The following DCDC2C variants were observed in gnomAD, a reference collection of about 807,000 sequenced individuals.
The protein encoded by DCDC2C is doublecortin domain containing 2C.
In DCDC2C, 44 loss-of-function variants were observed where a neutral mutation model predicts 45.0. The observed-to-expected ratio is 0.98, with a 90% CI of 0.77 to 1.26. DCDC2C has a LOEUF of 1.26. Among genes scored for constraint, DCDC2C ranks in the 50% most tolerant of loss-of-function variants. DCDC2C has a pLI of 0.00. For synonymous variants in DCDC2C, 187 were observed against 178.8 expected (o/e 1.05, Z -0.37); for missense variants, 447 against 468.9 (o/e 0.95, Z 0.43).
intron 3 of DCDC2C, among the ~76,000 whole-genome samples, chr2:3,735,841 CT>C (rs1277593228): frequency 8.6e-5 from 13 of 151,104 alleles, no homozygotes; most frequent in Non-Finnish European, 1.5e-4. Flanking sequence ...GATCTCAGAT[CT>C]TGGATCAGCT....
At chr2:3,728,042 C>A (rs184758824) in intron 3 of DCDC2C, among the ~76,000 whole-genome samples, 1 of 152,160 alleles carries the variant, frequency 6.6e-6, no homozygotes, top group East Asian at 1.9e-4. Context: ...GGAATTTTAG[C>A]GAGTTTCCAG....
chr2:3,838,516 A>G (rs930708825), intron 10 of DCDC2C, among the ~76,000 whole-genome samples: 12 of 151,308 alleles, frequency 7.9e-5, no homozygotes, highest in Non-Finnish European at 1.6e-4. Context: ...GGCTAAGAGT[A>G]GGAGGTGTGG....
chr2:3,734,540 G>GT lies in DCDC2C; in HGVS notation c.417-7379dup, dbSNP rs1172040636. On this transcript the variant is annotated intron_variant, in intron 3 of 10. Coordinates refer to ENST00000399143, the MANE Select transcript of DCDC2C (RefSeq NM_001287444.2). This position sits in a 1 kb window ranked among gnomAD's most constrained non-coding sequence, Gnocchi z 4.2. ...TGTGAGGGGGAAAGCAGTAGATTTC[G>GT]TAAGAGGGAAGTTTAGCCACAGAGA... is the stretch of plus-strand genomic sequence containing the variant. Among the ~76,000 whole-genome samples, 1 of 152,168 alleles carries GT rather than the reference G, an allele frequency of 6.6e-6. No homozygotes were observed. Among genetic ancestry groups the GT allele is most frequent in the Non-Finnish European group, 1.5e-5 (1 of 68,028 alleles).
chr2:3,839,791 T>C (rs1354068127), intron 10 of DCDC2C, among the ~76,000 whole-genome samples: 2 of 152,240 alleles, frequency 1.3e-5, no homozygotes, highest in African/African-American at 4.8e-5. Context: ...CTCGCCAAAA[T>C]GTCAGGGCTG....
chr2:3,711,434 C>G (rs1048643509), intron 2 of DCDC2C, among the ~76,000 whole-genome samples: 1 of 151,980 alleles, frequency 6.6e-6, no homozygotes, highest in African/African-American at 2.4e-5. Flanking sequence ...AAAAGTGGTA[C>G]ATTTACACCA....
At chr2:3,777,654 T>C (rs1558222607) in intron 8 of DCDC2C, among the ~76,000 whole-genome samples, 1 of 152,210 alleles carries the variant, frequency 6.6e-6, no homozygotes, top group Non-Finnish European at 1.5e-5. Context: ...CTACATAAGC[T>C]ATAGGAAGAT....
chr2:3,729,485 A>G (rs1247996892), intron 3 of DCDC2C, among the ~76,000 whole-genome samples: 1 of 152,224 alleles, frequency 6.6e-6, no homozygotes, highest in Non-Finnish European at 1.5e-5. Context: ...TGGGCGTTTT[A>G]AAGGGGGAAT....
intron 10 of DCDC2C, among the ~76,000 whole-genome samples, chr2:3,801,096 A>G (rs1231684170): frequency 4.6e-5 from 7 of 152,214 alleles, no homozygotes; most frequent in African/African-American, 1.4e-4. Context: ...GAAGTTGTGC[A>G]TGAGATGAGG....
intron 6 of DCDC2C, among the ~76,000 whole-genome samples, chr2:3,763,656 C>G (rs1006683693): frequency 6.6e-6 from 1 of 152,160 alleles, no homozygotes; most frequent in Non-Finnish European, 1.5e-5. Flanking sequence ...TGACTGTTCC[C>G]ATTGTCTGAC....
chr2:3,732,645 G>A (rs927300827), intron 3 of DCDC2C, among the ~76,000 whole-genome samples: 1 of 152,140 alleles, frequency 6.6e-6, no homozygotes, highest in African/African-American at 2.4e-5. Context: ...TTTGTTGATT[G>A]TAGGACTGTG....
At chr2:3,727,118 C>T in intron 3 of DCDC2C, 39 bp downstream of exon 3, 1 of 1,476,336 alleles carries the variant, frequency 6.8e-7, no homozygotes, top group East Asian at 2.5e-5. Context: ...CAAACTGTGC[C>T]ATAACTCCCT....
chr2:3,724,677 A>G lies in DCDC2C; in HGVS notation c.340-2326A>G, dbSNP rs182096348. Among the ~76,000 whole-genome samples the G allele has an allele frequency of 7.9e-3, 1,204 of 152,158 alleles. 17 individuals are homozygous for G. The highest frequency in any genetic ancestry group is 0.028 in the African/African-American group (1,143 of 41,498). On this transcript the variant is annotated intron_variant, in intron 2 of 10. Transcript: ENST00000399143. Reference sequence around the variant, plus strand: ...GTCTCGTGGTTTTGTGTGTGTTGTGAAACCTGGCTGGGGTCTGGGTGTCGA... The same window carrying G: ...GTCTCGTGGTTTTGTGTGTGTTGTGGAACCTGGCTGGGGTCTGGGTGTCGA...
intron 3 of DCDC2C, among the ~76,000 whole-genome samples, chr2:3,736,012 C>T (rs900222615): frequency 1.3e-5 from 2 of 152,126 alleles, no homozygotes; most frequent in Admixed American, 6.5e-5. Flanking sequence ...TTATAGGGTT[C>T]TGCATCCCAA....
rs1019509151 is a variant in DCDC2C at position 3,833,382 on chromosome 2, G to T, written c.1066-13772G>T. On this transcript the variant is annotated intron_variant, in intron 10 of 10. Coordinates refer to ENST00000399143, the MANE Select transcript of DCDC2C (RefSeq NM_001287444.2). ...ACCTTACCCACTGAGTCTTATATGT[G>T]CTAAGCTTCTGTATCTTGTAGTCAC... Among the ~76,000 whole-genome samples the T allele has an allele frequency of 2.0e-5, 3 of 152,180 alleles. No homozygotes were observed. The East Asian group carries it at 5.8e-4, about 29-fold the overall frequency.
At chr2:3,753,500 A>C (rs997578827) in intron 5 of DCDC2C, among the ~76,000 whole-genome samples, 1 of 152,094 alleles carries the variant, frequency 6.6e-6, no homozygotes, top group Non-Finnish European at 1.5e-5. Flanking sequence ...TTTGAAATGC[A>C]TTTCGTGTAG....
chr2:3,814,463 A>T lies in DCDC2C; in HGVS notation c.1065+29363A>T, dbSNP rs566940716. ...TCTTAGCTTCTTTGCATTGGGTTAG[A>T]ACATGCTCAGTGTAGTTTTTTATTA... On this transcript the variant is annotated intron_variant, in intron 10 of 10. Transcript: ENST00000399143. Among the ~76,000 whole-genome samples, 5 of 152,298 alleles carry T rather than the reference A, an allele frequency of 3.3e-5. No homozygotes were observed. The East Asian group carries it at 9.7e-4, about 29-fold the overall frequency.
intron 10 of DCDC2C, among the ~76,000 whole-genome samples, chr2:3,827,878 T>A (rs186718996): frequency 6.6e-6 from 1 of 152,288 alleles, no homozygotes; most frequent in East Asian, 1.9e-4. Flanking sequence ...GTCTGATGGG[T>A]GTCCATCCAG....
At chr2:3,814,635 T>G (rs1375526745) in intron 10 of DCDC2C, among the ~76,000 whole-genome samples, 1 of 152,266 alleles carries the variant, frequency 6.6e-6, no homozygotes, top group East Asian at 1.9e-4. Flanking sequence ...TTTATGTTGA[T>G]TCTTTCTCAG....
intron 8 of DCDC2C, among the ~76,000 whole-genome samples, chr2:3,773,772 A>G (rs1670251025): frequency 6.6e-6 from 1 of 152,232 alleles, no homozygotes; most frequent in Non-Finnish European, 1.5e-5. Flanking sequence ...GAACATGGCC[A>G]ATTCCATTTT....
Sources: allele counts gnomAD v4.1 joint callset (sites outside exome capture counted in the v4.1 genomes callset), GRCh38; gene constraint gnomAD v4.1.1; non-coding constraint Gnocchi (gnomAD v3.1); transcripts MANE v1.5; gene names NCBI Gene and HGNC (gene_info 2026-07-23, HGNC 2026-07-21).